Variants in CACNA1D observed in about 807,000 individuals in gnomAD.
CACNA1D encodes the protein calcium voltage-gated channel subunit alpha1 D, also known as voltage-dependent L-type calcium channel subunit alpha-1D.
CACNA1D carries 55 observed loss-of-function variants against 257.1 expected under a neutral mutation model. That is an observed-to-expected ratio of 0.21 (90% confidence interval 0.17 to 0.27). The LOEUF is 0.27. Among genes scored for constraint, CACNA1D ranks in the 10% least tolerant of loss-of-function variants. The pLI, the probability that CACNA1D is intolerant of heterozygous loss-of-function variation, is 1.00. For missense variants in CACNA1D, 1,876 were observed against 2,784.0 expected (o/e 0.67, Z 7.34); for synonymous variants, 980 against 1,014.9 (o/e 0.97, Z 0.65).
At chr3:53,741,307 G>A (rs538018602) in intron 21 of CACNA1D, among the ~76,000 whole-genome samples, 1 of 152,218 alleles carries the variant, frequency 6.6e-6, no homozygotes, top group Admixed American at 6.5e-5. Flanking sequence ...TTTTAACCAT[G>A]GTTTTCTTTA....
chr3:53,545,672 C>T (rs2092396937), intron 3 of CACNA1D, among the ~76,000 whole-genome samples: 2 of 152,122 alleles, frequency 1.3e-5, no homozygotes, highest in Non-Finnish European at 2.9e-5. Flanking sequence ...GCAGACTGAC[C>T]TCAAAATCCC....
chr3:53,631,190 C>T (rs1010351287), intron 3 of CACNA1D, among the ~76,000 whole-genome samples: 28 of 152,296 alleles, frequency 1.8e-4, no homozygotes, highest in African/African-American at 6.5e-4. Flanking sequence ...TGTTTGACCG[C>T]ATTTTACCCA....
chr3:53,715,112 G>A (rs1415543110), intron 9 of CACNA1D, among the ~76,000 whole-genome samples: 1 of 152,172 alleles, frequency 6.6e-6, no homozygotes, highest in Non-Finnish European at 1.5e-5. Context: ...GCTGGAGAAG[G>A]TAGGCTGCCA....
chr3:53,768,418 C>A (rs1186022160), intron 30 of CACNA1D, among the ~76,000 whole-genome samples: 1 of 152,224 alleles, frequency 6.6e-6, no homozygotes, highest in African/African-American at 2.4e-5. Flanking sequence ...AGAGTGGAAC[C>A]TTCCTGTGCA....
chr3:53,533,750 A>G (rs2107469148), intron 3 of CACNA1D, among the ~76,000 whole-genome samples: 1 of 152,262 alleles, frequency 6.6e-6, no homozygotes, highest in South Asian at 2.1e-4. Context: ...AGGGAAGGAT[A>G]GATTTTGGGC....
At chr3:53,555,033 G>A (rs2092611738) in intron 3 of CACNA1D, among the ~76,000 whole-genome samples, 1 of 152,188 alleles carries the variant, frequency 6.6e-6, no homozygotes. Context: ...ACATTTTAAA[G>A]AGAATATAAT....
intron 27 of CACNA1D, among the ~76,000 whole-genome samples, chr3:53,750,514 G>A (rs2095215953): frequency 1.3e-5 from 2 of 152,198 alleles, no homozygotes; most frequent in South Asian, 2.1e-4. Context: ...GTACCCACTG[G>A]GAAATGTGAG....
chr3:53,805,805 T>TATCTTCCCTCCTCCTCCTCC (rs1396587136), intron 45 of CACNA1D, among the ~76,000 whole-genome samples: 1 of 85,088 alleles, frequency 1.2e-5, no homozygotes, highest in Non-Finnish European at 2.3e-5. Flanking sequence ...CCTCCTCCTC[T>TATCTTCCCTCCTCCTCCTCC]ATCTTCCCTC....
chr3:53,786,751 C>A (rs2095455498), intron 39 of CACNA1D, 71 bp from the exon 40 acceptor site: 5 of 1,403,288 alleles, frequency 3.6e-6, no homozygotes, highest in Non-Finnish European at 5.0e-6. Flanking sequence ...CTGCCCCAGC[C>A]AGAAGCAAGT....
chr3:53,594,937 T>C (rs1290703501), intron 3 of CACNA1D, among the ~76,000 whole-genome samples: 1 of 152,240 alleles, frequency 6.6e-6, no homozygotes, highest in Admixed American at 6.5e-5. Flanking sequence ...CACCCAGATA[T>C]GAAAATCAGA....
chr3:53,548,461 A>G (rs1363766263), intron 3 of CACNA1D, among the ~76,000 whole-genome samples: 1 of 151,866 alleles, frequency 6.6e-6, no homozygotes, highest in Non-Finnish European at 1.5e-5. Context: ...CCGGCTGAGA[A>G]CTTAACCCGA....
rs545930708 is a variant in CACNA1D, at chr3:53,801,512, T to C, written c.5408+87T>C. On this transcript the variant is annotated intron_variant, in intron 42 of 47. Coordinates refer to ENST00000350061, the MANE Select transcript of CACNA1D (RefSeq NM_001128840.3). ...CAAGGAGCAAGGCGGGTCTGTGCTC[T>C]GTGCTCTGGGGCATGGAGGAGGTTC... is the stretch of plus-strand genomic sequence containing the variant. 1.1e-5 allele frequency: 17 copies of C among 1,550,278 alleles called. No homozygotes were observed. The African/African-American group carries it at 2.2e-4, about 20-fold the overall frequency.
chr3:53,643,536 G>A (rs1166042358), intron 3 of CACNA1D, among the ~76,000 whole-genome samples: 1 of 152,144 alleles, frequency 6.6e-6, no homozygotes, highest in Admixed American at 6.5e-5. Flanking sequence ...GGTTCTTGCT[G>A]TTCTTGCTTG....
intron 8 of CACNA1D, among the ~76,000 whole-genome samples, chr3:53,676,396 C>G (rs527716292): frequency 1.3e-5 from 2 of 152,076 alleles, no homozygotes; most frequent in African/African-American, 2.4e-5. Flanking sequence ...CCTCAAGAGT[C>G]TTCATAATTT....
At chr3:53,570,730 T>C (rs537595647) in intron 3 of CACNA1D, among the ~76,000 whole-genome samples, 24 of 152,344 alleles carry the variant, frequency 1.6e-4, no homozygotes, top group African/African-American at 4.6e-4. Context: ...AAATATTAAG[T>C]GCAAGGTACA....
At chr3:53,541,757 C>A (rs1282003532) in intron 3 of CACNA1D, among the ~76,000 whole-genome samples, 1 of 152,074 alleles carries the variant, frequency 6.6e-6, no homozygotes, top group East Asian at 1.9e-4. Context: ...GTTGACTATG[C>A]CATCCACTGT....
chr3:53,526,268 A>G (rs2091761450), intron 3 of CACNA1D, among the ~76,000 whole-genome samples: 3 of 152,232 alleles, frequency 2.0e-5, no homozygotes, highest in Admixed American at 1.3e-4. Flanking sequence ...TGGGCTAAGA[A>G]TGGAAAGAGA....
chr3:53,663,823 C>T (rs555763995), intron 5 of CACNA1D, among the ~76,000 whole-genome samples: 1 of 152,062 alleles, frequency 6.6e-6, no homozygotes, highest in African/African-American at 2.4e-5. Context: ...AAGTCTTGCT[C>T]TGTCACCCAG....
intron 39 of CACNA1D, chr3:53,786,456 G>A (rs562400067): frequency 3.7e-5 from 11 of 296,100 alleles, no homozygotes; most frequent in Admixed American, 2.4e-4. Flanking sequence ...ATGCACAGGG[G>A]TGAAATGTGG....
Sources: gnomAD v4.1 joint callset for allele counts (sites outside exome capture counted in the v4.1 genomes callset) on GRCh38, gnomAD v4.1.1 for gene constraint, MANE v1.5 for transcripts, NCBI Gene and HGNC (gene_info 2026-07-23, HGNC 2026-07-21) for gene names.